Variants in MYO19 observed in about 807,000 individuals in gnomAD.
MYO19 encodes the protein myosin XIX, also known as unconventional myosin-XIX.
MYO19 carries 132 observed loss-of-function variants against 129.2 expected under a neutral mutation model. The ratio of observed to expected loss-of-function variants is 1.02; its 90% confidence interval spans 0.89 to 1.18. The LOEUF (loss-of-function observed/expected upper bound fraction) is 1.18, where lower values mean the gene tolerates loss of function less well. Among genes scored for constraint, MYO19 ranks in the 50% most tolerant of loss-of-function variants. The pLI, the probability that MYO19 is intolerant of heterozygous loss-of-function variation, is 0.00. For missense variants in MYO19, 1,210 were observed against 1,216.7 expected, an observed-to-expected ratio of 0.99 and a Z score of 0.08; for synonymous variants, 531 against 477.2, an observed-to-expected ratio of 1.11 and a Z score of -1.47.
At chr17:36,497,637 T>C in intron 25 of MYO19, 1 of 733,032 alleles carries the variant, frequency 1.4e-6, no homozygotes, top group Non-Finnish European at 1.7e-6. Flanking sequence ...CAGGCTGGAG[T>C]GCAGCGGCGC....
rs545420663 is a variant in MYO19 at position 36,496,100 on chromosome 17, C to A, written c.*151G>T. ...ACCCCAGGCCCACTGACGCACTGGG[C>A]ACGGGGCTCTGGGTCGAAGGCTGGA... On this transcript the variant is annotated 3_prime_UTR_variant, in exon 26 of 26. Coordinates refer to ENST00000614623, the MANE Select transcript of MYO19 (RefSeq NM_001163735.2). 10 of 1,088,080 alleles carry A rather than the reference C, an allele frequency of 9.2e-6. No individual in the cohort carries two copies. The highest frequency in any genetic ancestry group is 1.3e-5 in the Non-Finnish European group (10 of 753,974). 67.4% of individuals were successfully genotyped at this position (1,088,080 alleles called of 1,614,324 possible).
chr17:36,507,367 CTG>C (rs2071985284), intron 16 of MYO19, 30 bp downstream of exon 16: 1 of 1,595,840 alleles, frequency 6.3e-7, no homozygotes, highest in Non-Finnish European at 8.6e-7. Context: ...AAGGCCAACT[CTG>C]GTGCTCGGCT....
In MYO19 at chr17:36,525,253, A is replaced by C. The variant is rs780163797; in HGVS notation, c.389T>G (p.Val130Gly). The C allele has an allele frequency of 1.2e-6, 2 of 1,613,800 alleles. No individual in the cohort carries two copies. Among genetic ancestry groups the C allele is most frequent in the East Asian group, 2.2e-5 (1 of 44,880 alleles). ...CTTTCCAGCACCACTCTCTCCACTG[A>C]CAACAATAGACTGGTTGACTGGTTC... The part of the protein sequence containing the change: ...LIEPVNQSIV[V>G]SGESGAGKTW... Residue 130 changes from valine (V) to glycine (G), a missense_variant, in exon 6 of 26, where the codon GTC (valine) becomes GGC (glycine). Val to Gly is a moderately radical substitution (Grantham distance 109). Transcript: ENST00000614623.
At chr17:36,499,731 G>C (rs1337382192) in intron 23 of MYO19, 14 of 124,560 alleles carry the variant, frequency 1.1e-4, no homozygotes, top group African/African-American at 4.4e-4. Context: ...GCAGTGGCAC[G>C]AACAGCTTAT....
chr17:36,530,344 A>G (rs1020191890), intron 3 of MYO19, among the ~76,000 whole-genome samples: 1 of 152,122 alleles, frequency 6.6e-6, no homozygotes, highest in East Asian at 1.9e-4. Flanking sequence ...AAATGGGATA[A>G]TGGTACCTAC....
intron 3 of MYO19, among the ~76,000 whole-genome samples, chr17:36,531,611 T>A (rs1431951228): frequency 6.6e-6 from 1 of 151,812 alleles, no homozygotes; most frequent in East Asian, 1.9e-4. Flanking sequence ...AAAAAAAAAG[T>A]TTAAAAATAA....
intron 12 of MYO19, chr17:36,511,151 CCT>C (rs2072296349): frequency 1.0e-5 from 7 of 670,856 alleles, no homozygotes; most frequent in Non-Finnish European, 1.8e-5. Flanking sequence ...ACTTTACAAA[CCT>C]CTGACTCATT....
chr17:36,508,009 C>T (rs927712473), intron 14 of MYO19, 85 bp from the exon 15 acceptor site: 53 of 1,421,426 alleles, frequency 3.7e-5, no homozygotes, highest in Non-Finnish European at 4.8e-5. Flanking sequence ...TGGCTGGGCC[C>T]CTGCCAATGC....
In MYO19 at chr17:36,525,279, A is replaced by C. The variant is rs770713404; in HGVS notation, c.363T>G (p.Ile121Met). The C allele has an allele frequency of 6.2e-7, 1 of 1,613,996 alleles. No homozygotes were observed. The highest frequency in any genetic ancestry group is 1.7e-5 in the Admixed American group (1 of 60,026). The part of the protein sequence containing the change: ...EQTYRNVKSL[I>M]EPVNQSIVVS... Reference sequence around the variant, plus strand: ...CAACAATAGACTGGTTGACTGGTTCAATCAGGCTCTTGACATTCCTGTAGG... The same window carrying C: ...CAACAATAGACTGGTTGACTGGTTCCATCAGGCTCTTGACATTCCTGTAGG... The change falls in exon 6 of 26, where the codon ATT (isoleucine) becomes ATG (methionine). Residue 121 changes from isoleucine (I) to methionine (M), a missense_variant. Ile to Met is a conservative substitution (Grantham distance 10). Transcript: ENST00000614623.
At chr17:36,531,715 T>G (rs972106790) in intron 3 of MYO19, among the ~76,000 whole-genome samples, 4 of 152,084 alleles carry the variant, frequency 2.6e-5, no homozygotes, top group Non-Finnish European at 5.9e-5. Flanking sequence ...CAAGCTGCAG[T>G]GTCTACTATG....
At chr17:36,513,373 G>A (rs545178682) in intron 11 of MYO19, 56 bp downstream of exon 11, 4 of 1,613,752 alleles carry the variant, frequency 2.5e-6, no homozygotes, top group East Asian at 4.5e-5. Flanking sequence ...AAAGCTCTAT[G>A]CAAAGGGCTG....
At position 36,503,947 on chromosome 17, in the gene MYO19, C is replaced by A. The variant is rs1187276084; in HGVS notation, c.1976+3G>T. ...GCACTGTGCCGTGATCGAGCCCACT[C>A]ACCGGATGGGGAAGCCAGCAGCACT... On this transcript the variant is annotated splice_donor_region_variant and intron_variant, in intron 20 of 25. Transcript: ENST00000614623. 2 of 1,588,350 alleles carry A rather than the reference C, an allele frequency of 1.3e-6. No homozygotes were observed.
At chr17:36,522,627 T>C (rs2073207143) in intron 6 of MYO19, among the ~76,000 whole-genome samples, 2 of 152,094 alleles carry the variant, frequency 1.3e-5, no homozygotes, top group Non-Finnish European at 1.5e-5. Context: ...CCCAGCACTT[T>C]GGGAGGCCAA....
chr17:36,507,354 C>T, intron 16 of MYO19, 45 bp downstream of exon 16: 1 of 1,579,928 alleles, frequency 6.3e-7, no homozygotes, highest in Non-Finnish European at 8.7e-7. Context: ...CCCAGAAAAC[C>T]CAAAGGCCAA....
In MYO19 at chr17:36,495,958, A is replaced by C; in HGVS notation, c.*293T>G. On this transcript the variant is annotated 3_prime_UTR_variant, in exon 26 of 26. Transcript: ENST00000614623. ...TGGGATCCCCAGTGTAGTGACAGACAGTCATGACTGCTGCTGAGTTTGATC... is the reference window on the plus strand; with the variant it reads ...TGGGATCCCCAGTGTAGTGACAGACCGTCATGACTGCTGCTGAGTTTGATC... 1.1e-6 allele frequency: 1 copy of C among 895,036 alleles called. No homozygotes were observed. Among genetic ancestry groups the C allele is most frequent in the African/African-American group, 1.7e-5 (1 of 58,446 alleles). The allele number at this position is 895,036 out of a possible 1,614,324, so 55.4% of individuals were successfully genotyped here.
chr17:36,539,623 T>G (rs868343795), upstream of MYO19, among the ~76,000 whole-genome samples: 46 of 151,892 alleles, frequency 3.0e-4, no homozygotes, highest in Middle Eastern at 6.8e-3. Context: ...AAAAATAGAC[T>G]GAATTGGATG....
chr17:36,512,238 A>ACAC (rs1555575833), intron 11 of MYO19, among the ~76,000 whole-genome samples: 6 of 99,594 alleles, frequency 6.0e-5, no homozygotes, highest in East Asian at 4.6e-4. Context: ...CACACACACA[A>ACAC]AATTAGCTGG....
rs1364100242 is a variant in MYO19 at position 36,495,752 on chromosome 17, C to T, written c.*499G>A. On this transcript the variant is annotated 3_prime_UTR_variant, in exon 26 of 26. Transcript: ENST00000614623. ...TTAATAAAATCAAAACGTGATTCTA[C>T]TGTACATTGCATTATTCATAATTTA... 8.8e-6 allele frequency: 11 copies of T among 1,245,488 alleles called. No homozygotes were observed. The highest frequency in any genetic ancestry group is 1.1e-5 in the Non-Finnish European group (11 of 995,968). The allele number at this position is 1,245,488 out of a possible 1,614,324, so 77.2% of individuals were successfully genotyped here. A position where few individuals can be genotyped will look rare whatever the true frequency, so the allele number is the denominator to read the frequency against.
intron 23 of MYO19, chr17:36,500,360 A>AGATATTTGGGTTCTTTCCAACACTT (rs1185775584): frequency 6.4e-6 from 1 of 156,808 alleles, no homozygotes; most frequent in Admixed American, 6.3e-5. Context: ...CACCACTGTT[A>AGATATTTGGGTTCTTTCCAACACTT]GATATTTGGG....
Sources: gnomAD v4.1 joint callset for allele counts (sites outside exome capture counted in the v4.1 genomes callset) on GRCh38, gnomAD v4.1.1 for gene constraint, MANE v1.5 for transcripts, NCBI Gene and HGNC (gene_info 2026-07-23, HGNC 2026-07-21) for gene names.